The following OSCP1 variants were observed in gnomAD, a reference collection of about 807,000 sequenced individuals.
OSCP1 encodes protein OSCP1.
Under a neutral mutation model 45.1 loss-of-function variants are expected in OSCP1, and 35 were observed. The ratio of observed to expected loss-of-function variants is 0.78; its 90% CI spans 0.59 to 1.03. The LOEUF is 1.03. Among genes scored for constraint, OSCP1 ranks in the 50% least tolerant of loss-of-function variants. The pLI, the probability that OSCP1 is intolerant of heterozygous loss-of-function variation, is 0.00. For missense variants in OSCP1, 400 were observed against 470.7 expected (o/e 0.85, Z 1.39); for synonymous variants, 179 against 180.1 (o/e 0.99, Z 0.05).
At chr1:36,435,141 C>A (rs1240384593) in intron 2 of OSCP1, among the ~76,000 whole-genome samples, 1 of 138,772 alleles carries the variant, frequency 7.2e-6, no homozygotes, top group South Asian at 2.3e-4. Context: ...GTTACCCAGG[C>A]TGGAGTACAG....
Position 36,438,760 on chromosome 1 carries a change from T to C in OSCP1, c.263A>G (p.Asp88Gly), listed in dbSNP as rs753081230. Residue 88 changes from aspartate to glycine, a missense_variant, in exon 2 of 10, where the codon GAT (aspartate) becomes GGT (glycine). Asp to Gly is a moderately conservative substitution (Grantham distance 94). Transcript: ENST00000235532. ...CAAAGGCAGCTGTCTGCTCACCTTA[T>C]CCATGCTGGCCTGGTTCAGTTTCAT... is the stretch of plus-strand genomic sequence containing the variant. ...SIMKLNQASM[D>G]KLYDLMTMAF... 3 of 1,604,232 alleles carry C rather than the reference T, an allele frequency of 1.9e-6. No individual in the cohort carries two copies. In the East Asian group the frequency reaches 6.7e-5, roughly 36 times the overall value.
chr1:36,428,990 G>C (rs1466868024), intron 4 of OSCP1, among the ~76,000 whole-genome samples: 1 of 152,136 alleles, frequency 6.6e-6, no homozygotes, highest in Non-Finnish European at 1.5e-5. Context: ...GCCCAGGATG[G>C]TCTTGAACTC....
At chr1:36,423,850 G>A (rs546269831) in intron 4 of OSCP1, among the ~76,000 whole-genome samples, 278 of 151,500 alleles carry the variant, frequency 1.8e-3, no homozygotes, top group Non-Finnish European at 3.1e-3. Context: ...CTCCAGCCTG[G>A]GCGACAGAGT....
chr1:36,422,877 C>G lies in OSCP1; in HGVS notation c.640G>C (p.Glu214Gln). The stretch of plus-strand genomic sequence containing the variant: ...TTGAATTCTATCCTCTTCACTTCTT[C>G]ACCTTTGTTGTTGAACATTCTACAA... The part of the protein sequence containing the change: ...GLIRMFNNKG[E>Q]EVKRIEFKHG... Residue 214 changes from glutamate to glutamine, a missense_variant, in exon 6 of 10, where the codon GAA becomes CAA. Glu to Gln is a conservative substitution (Grantham distance 29, BLOSUM62 2). Transcript: ENST00000235532. 1 of 1,606,380 alleles carries G rather than the reference C, an allele frequency of 6.2e-7. No individual in the cohort carries two copies. Among genetic ancestry groups the G allele is most frequent in the Non-Finnish European group, 8.5e-7 (1 of 1,175,958 alleles).
chr1:36,448,762 C>A (rs1649689755), intron 1 of OSCP1, among the ~76,000 whole-genome samples: 1 of 152,124 alleles, frequency 6.6e-6, no homozygotes, highest in Non-Finnish European at 1.5e-5. Context: ...GATCTATGAG[C>A]AGTTTGGTAT....
intron 2 of OSCP1, among the ~76,000 whole-genome samples, chr1:36,434,152 G>A (rs985542380): frequency 2.6e-5 from 4 of 152,114 alleles, no homozygotes; most frequent in African/African-American, 7.2e-5. Flanking sequence ...AAGATGGACG[G>A]TTAACTTAAG....
chr1:36,418,927 A>G, intron 9 of OSCP1, 64 bp downstream of exon 9: 1 of 1,110,136 alleles, frequency 9.0e-7, no homozygotes, highest in Non-Finnish European at 1.3e-6. Flanking sequence ...ACCCTGTCTC[A>G]AGAAAAAAAA....
At chr1:36,418,294 T>C (rs201032285) in intron 9 of OSCP1, 39 bp from the exon 10 acceptor site, 93 of 1,597,134 alleles carry the variant, frequency 5.8e-5, no homozygotes, top group Non-Finnish European at 7.6e-5. Flanking sequence ...ATGAAGAGGC[T>C]GTGCTGGCAG....
intron 2 of OSCP1, among the ~76,000 whole-genome samples, chr1:36,434,391 C>T (rs1168479325): frequency 6.6e-6 from 1 of 152,164 alleles, no homozygotes; most frequent in Non-Finnish European, 1.5e-5. Flanking sequence ...CTTGCCAGGA[C>T]CCTGCTACAC....
chr1:36,418,673 T>G, intron 9 of OSCP1: 1 of 341,992 alleles, frequency 2.9e-6, no homozygotes. Context: ...TCCCAGCACT[T>G]TGGGAGGCCA....
At chr1:36,431,331 C>T (rs954694874) in intron 4 of OSCP1, among the ~76,000 whole-genome samples, 3 of 151,032 alleles carry the variant, frequency 2.0e-5, no homozygotes, top group Admixed American at 6.6e-5. Context: ...AGACAGATGG[C>T]GGGAGAGGAA....
At chr1:36,434,687 T>G (rs1342608866) in intron 2 of OSCP1, among the ~76,000 whole-genome samples, 1 of 148,540 alleles carries the variant, frequency 6.7e-6, no homozygotes, top group East Asian at 2.0e-4. Flanking sequence ...GAGGCAGAGG[T>G]TGCAGTGAGC....
chr1:36,425,434 G>A (rs1819661), intron 4 of OSCP1, among the ~76,000 whole-genome samples: 15,546 of 152,060 alleles, frequency 0.1, 942 homozygotes, highest in East Asian at 0.29. Flanking sequence ...AAATCAGACA[G>A]TGTATAAAAA....
intron 9 of OSCP1, 119 bp downstream of exon 9, chr1:36,418,872 A>G (rs57413616): frequency 0.32 from 246,112 of 767,662 alleles, 41,620 homozygotes; most frequent in East Asian, 0.54. Context: ...AAGTTGCGGT[A>G]AGCTGAGATC....
At chr1:36,428,189 CAAAAAA>C (rs71053930) in intron 4 of OSCP1, 3,038 of 845,820 alleles carry the variant, frequency 3.6e-3, no homozygotes, top group Middle Eastern at 3.9e-3. Context: ...GACTGCATCT[CAAAAAA>C]AAAAAAAAAA....
chr1:36,426,299 G>T (rs771539446), intron 4 of OSCP1, among the ~76,000 whole-genome samples: 2 of 152,158 alleles, frequency 1.3e-5, no homozygotes, highest in African/African-American at 2.4e-5. Context: ...CCAGTGGCTG[G>T]AGAGGACTGT....
Position 36,423,410 on chromosome 1 carries a change from C to T in OSCP1, c.573G>A (p.Pro191=), listed in dbSNP as rs146439686. ...VQNNNGRFVL[P]VSGPVPWGTE... is the part of the protein sequence containing the mutation. The stretch of plus-strand genomic sequence containing the variant: ...TTCCCCAAGGAACAGGCCCGGACAC[C>T]GGCAACACAAAGCGACCGTTATTAT... The change falls in exon 5 of 10, where the codon CCG becomes CCA. Residue 191 remains proline, a synonymous_variant. Coordinates refer to ENST00000235532, the MANE Select transcript of OSCP1 (RefSeq NM_145047.5). 17 of 1,613,622 alleles carry T rather than the reference C, an allele frequency of 1.1e-5. No individual in the cohort carries two copies. Among genetic ancestry groups the T allele is most frequent in the East Asian group, 4.5e-5 (2 of 44,874 alleles).
At chr1:36,422,349 G>A in intron 6 of OSCP1, 130 bp from the exon 7 acceptor site, 2 of 828,636 alleles carry the variant, frequency 2.4e-6, no homozygotes, top group Non-Finnish European at 4.0e-6. Context: ...TGTGGGTACA[G>A]AATGCAACTG....
chr1:36,432,563 G>T lies in OSCP1; in HGVS notation c.294C>A (p.Phe98Leu), dbSNP rs777215154. The change falls in exon 3 of 10, where the codon TTC becomes TTA. Residue 98 changes from phenylalanine to leucine, a missense_variant. Transcript: ENST00000235532. ...GGGGACACAGCAATACTTGATATTT[G>T]AAAGCCATGGTCATCAGGTCATAGA... ...DKLYDLMTMA[F>L]KYQVLLCPRP... 2.5e-6 allele frequency: 4 copies of T among 1,614,144 alleles called. No individual in the cohort carries two copies. The South Asian group carries it at 4.4e-5, about 18-fold the overall frequency.
Sources: gnomAD v4.1 joint callset for allele counts (sites outside exome capture counted in the v4.1 genomes callset) on GRCh38, gnomAD v4.1.1 for gene constraint, MANE v1.5 for transcripts, NCBI Gene and HGNC (gene_info 2026-07-23, HGNC 2026-07-21) for gene names.